GC: variants seen among roughly 807,000 people sequenced by gnomAD.
The protein encoded by GC is vitamin D-binding protein.
In GC, 43 loss-of-function variants were observed where a neutral mutation model predicts 56.7. The ratio of observed to expected loss-of-function variants is 0.76; its 90% CI spans 0.59 to 0.98. GC has a LOEUF of 0.98. Ranked by LOEUF, GC falls within the 50% of genes least tolerant of loss-of-function variation. The pLI is 0.00. For synonymous variants in GC, 216 were observed against 202.7 expected, an observed-to-expected ratio of 1.07 and a Z score of -0.56; for missense variants, 529 against 545.9, an observed-to-expected ratio of 0.97 and a Z score of 0.31.
chr4:71,795,505 C>T (rs1294300455), intron 1 of GC, among the ~76,000 whole-genome samples: 2 of 152,092 alleles, frequency 1.3e-5, no homozygotes, highest in African/African-American at 4.8e-5. Flanking sequence ...TTTCCATTTG[C>T]TTGGTAGATC....
upstream of GC, among the ~76,000 whole-genome samples, chr4:71,804,346 A>G (rs1743314967): frequency 1.3e-5 from 2 of 152,160 alleles, no homozygotes; most frequent in South Asian, 4.1e-4. Flanking sequence ...GGTAATTAGC[A>G]TTATTTTTCC....
chr4:71,744,556 G>T (rs1034852673), intron 12 of GC, among the ~76,000 whole-genome samples: 2 of 151,588 alleles, frequency 1.3e-5, no homozygotes, highest in African/African-American at 4.9e-5. Flanking sequence ...CTTACCTTAG[G>T]ATATCTTCTC....
chr4:71,758,738 T>C (rs987129291), intron 6 of GC, among the ~76,000 whole-genome samples: 1 of 152,200 alleles, frequency 6.6e-6, no homozygotes, highest in African/African-American at 2.4e-5. Context: ...ATTCCTAATA[T>C]ATCATGAATA....
In GC at chr4:71,751,165, C is replaced by T. The variant is rs61297147; in HGVS notation, c.1395+1353G>A. Among the ~76,000 whole-genome samples, 485 of 152,216 alleles carry T rather than the reference C, an allele frequency of 3.2e-3. 12 individuals are homozygous for T. The highest frequency in any genetic ancestry group is 0.025 in the Admixed American group (386 of 15,304). ...TAACAGGTAAAATGGAGGATGTGAA[C>T]GTATGGGCTGACATTTTCTGAAAAA... On this transcript the variant is annotated intron_variant, in intron 11 of 12. Transcript: ENST00000273951.
intron 1 of GC, among the ~76,000 whole-genome samples, chr4:71,798,685 C>A (rs1339793100): frequency 6.6e-6 from 1 of 152,098 alleles, no homozygotes; most frequent in African/African-American, 2.4e-5. Flanking sequence ...TACAAAAAGC[C>A]TTTCTTTATT....
intron 1 of GC, among the ~76,000 whole-genome samples, chr4:71,792,925 C>T (rs1306683118): frequency 1.3e-5 from 2 of 152,160 alleles, no homozygotes; most frequent in Non-Finnish European, 2.9e-5. Flanking sequence ...GGAATCCTTT[C>T]CCCATTGCTT....
intron 11 of GC, among the ~76,000 whole-genome samples, chr4:71,750,116 A>G (rs705121): frequency 0.58 from 88,600 of 152,022 alleles, 26,111 homozygotes; most frequent in Admixed American, 0.65. Context: ...ATAGCCCAAG[A>G]CTTTAAAAAA....
intron 11 of GC, 136 bp downstream of exon 11, chr4:71,752,382 A>G: frequency 3.0e-6 from 2 of 658,920 alleles, no homozygotes; most frequent in East Asian, 2.9e-5. Flanking sequence ...CATTGCAAAG[A>G]CAGCCAAGTT....
chr4:71,782,493 G>A (rs1742715091), intron 1 of GC, among the ~76,000 whole-genome samples: 1 of 151,788 alleles, frequency 6.6e-6, no homozygotes, highest in Admixed American at 6.6e-5. Context: ...TAAGAATGAA[G>A]TTTAGATCTT....
chr4:71,768,207 T>A (rs531862676), intron 3 of GC, 94 bp downstream of exon 3: 3 of 940,142 alleles, frequency 3.2e-6, no homozygotes, highest in Admixed American at 3.2e-5. Context: ...GTAAATGGAG[T>A]TGCTGTCTAA....
chr4:71,796,791 T>A (rs750996492), intron 1 of GC, among the ~76,000 whole-genome samples: 2 of 152,230 alleles, frequency 1.3e-5, no homozygotes, highest in Non-Finnish European at 2.9e-5. Flanking sequence ...TTTCTCCCCA[T>A]CTTTGTGGTT....
At chr4:71,801,059 G>A (rs1743236754) in intron 1 of GC, among the ~76,000 whole-genome samples, 1 of 152,176 alleles carries the variant, frequency 6.6e-6, no homozygotes, top group Admixed American at 6.5e-5. Context: ...CACGGATTGA[G>A]AGAAAATATT....
Position 71,752,720 on chromosome 4 carries a change from A to G in GC, c.1263-70T>C, listed in dbSNP as rs1033738012. On this transcript the variant is annotated intron_variant, in intron 10 of 12. Coordinates refer to ENST00000273951, the MANE Select transcript of GC (RefSeq NM_000583.4). ...TTATACAAATTTCTAATGCAAAATA[A>G]TAGCCATTTCAGATCTTTTACAATA... 84 of 1,292,960 alleles carry G rather than the reference A, an allele frequency of 6.5e-5. 1 individual carries two copies. Among genetic ancestry groups the G allele is most frequent in the South Asian group, 6.5e-4 (51 of 78,730 alleles). 80.1% of individuals were successfully genotyped at this position (1,292,960 alleles called of 1,614,324 possible). A position where few individuals can be genotyped will look rare whatever the true frequency, so the allele number is the denominator to read the frequency against.
intron 11 of GC, among the ~76,000 whole-genome samples, chr4:71,746,784 A>AAAAAAAAAAAAAAACAAAC (rs1553946448): frequency 1.1e-3 from 168 of 150,958 alleles, no homozygotes; most frequent in African/African-American, 3.9e-3. Context: ...AAAAAAAAAA[A>AAAAAAAAAAAAAAACAAAC]AAAAAAAAAA....
intron 11 of GC, among the ~76,000 whole-genome samples, chr4:71,751,703 T>C (rs1378109956): frequency 6.6e-6 from 1 of 151,722 alleles, no homozygotes; most frequent in East Asian, 1.9e-4. Context: ...GAAGGGACAT[T>C]TAAAGAAAGA....
intron 11 of GC, among the ~76,000 whole-genome samples, chr4:71,750,488 T>G (rs1350248865): frequency 6.6e-6 from 1 of 152,202 alleles, no homozygotes; most frequent in Non-Finnish European, 1.5e-5. Context: ...ATTAAGTTCT[T>G]GGGTATTTTT....
chr4:71,767,927 T>C (rs1019305809), intron 3 of GC, among the ~76,000 whole-genome samples: 3 of 152,108 alleles, frequency 2.0e-5, no homozygotes, highest in Non-Finnish European at 2.9e-5. Flanking sequence ...TTTTCATTCC[T>C]GAGTTACTTC....
chr4:71,765,681 TA>T (rs766611305), intron 3 of GC, 38 bp from the exon 4 acceptor site: 2 of 1,278,048 alleles, frequency 1.6e-6, no homozygotes, highest in South Asian at 2.4e-5. Context: ...TATATATATG[TA>T]AATTTCCAGG....
chr4:71,779,846 C>T (rs1236843922), intron 1 of GC, among the ~76,000 whole-genome samples: 1 of 151,674 alleles, frequency 6.6e-6, no homozygotes, highest in Non-Finnish European at 1.5e-5. Flanking sequence ...TCAGCCCTTG[C>T]GTAGGGCTGT....
Sources: allele counts gnomAD v4.1 joint callset (sites outside exome capture counted in the v4.1 genomes callset), GRCh38; gene constraint gnomAD v4.1.1; transcripts MANE v1.5; gene names NCBI Gene and HGNC (gene_info 2026-07-23, HGNC 2026-07-21).